The following STXBP5L variants were observed in gnomAD, a reference collection of about 807,000 sequenced individuals.
The protein encoded by STXBP5L is syntaxin binding protein 5L.
In STXBP5L, 65 loss-of-function variants were observed where a neutral mutation model predicts 144.5. The observed-to-expected ratio is 0.45, with a 90% CI of 0.37 to 0.55. The LOEUF is 0.55. Ranked by LOEUF, STXBP5L falls within the 20% of genes least tolerant of loss-of-function variation. The probability of loss-of-function intolerance (pLI) is 0.00; values close to 1 mark genes in which losing one functional copy is unlikely to be tolerated. For missense variants in STXBP5L, 1,298 were observed against 1,405.5 expected, an observed-to-expected ratio of 0.92 and a Z score of 1.22; for synonymous variants, 505 against 469.6, an observed-to-expected ratio of 1.08 and a Z score of -0.97.
At chr3:121,293,260 G>A (rs1453695497) in intron 19 of STXBP5L, among the ~76,000 whole-genome samples, 2 of 152,060 alleles carry the variant, frequency 1.3e-5, no homozygotes, top group African/African-American at 2.4e-5. Context: ...AGAATTCCAG[G>A]AAATGAAAAG....
intron 3 of STXBP5L, among the ~76,000 whole-genome samples, chr3:120,980,942 A>G (rs1393789514): frequency 6.6e-6 from 1 of 151,896 alleles, no homozygotes; most frequent in Non-Finnish European, 1.5e-5. Flanking sequence ...GAAATATTTT[A>G]TTTTATTTTC....
rs1205568266 is a variant in STXBP5L, at chr3:121,413,065, CATAAA to C, written c.2949-88_2949-84del. 3.0e-6 allele frequency: 3 copies of C among 1,014,214 alleles called. No homozygotes were observed. The African/African-American group carries it at 5.1e-5, about 17-fold the overall frequency. 62.8% of individuals were successfully genotyped at this position (1,014,214 alleles called of 1,614,324 possible). A position where few individuals can be genotyped will look rare whatever the true frequency, so the allele number is the denominator to read the frequency against. ...AAATAAAAAAATAAAAAGAAACAACCATAAAATAATAGAATAAAAATTACTGTTTT... is the reference window on the plus strand; with the variant it reads ...AAATAAAAAAATAAAAAGAAACAACCATAATAGAATAAAAATTACTGTTTT... On this transcript the variant is annotated intron_variant, in intron 23 of 26. Coordinates refer to ENST00000471454, the MANE Select transcript of STXBP5L (RefSeq NM_001308330.2).
At chr3:120,995,344 C>T (rs1174066405) in intron 3 of STXBP5L, among the ~76,000 whole-genome samples, 1 of 151,956 alleles carries the variant, frequency 6.6e-6, no homozygotes, top group Non-Finnish European at 1.5e-5. Context: ...TGTAGGGTTT[C>T]CCTATGTCAA....
chr3:121,148,705 T>C (rs2045815377), intron 7 of STXBP5L, among the ~76,000 whole-genome samples: 1 of 152,096 alleles, frequency 6.6e-6, no homozygotes, highest in South Asian at 2.1e-4. Context: ...ATAACCACTT[T>C]GGAAAACTGC....
At chr3:121,050,673 C>G (rs908388692) in intron 5 of STXBP5L, among the ~76,000 whole-genome samples, 1 of 152,138 alleles carries the variant, frequency 6.6e-6, no homozygotes, top group African/African-American at 2.4e-5. Context: ...GAAACTGCAT[C>G]AACTAACGAG....
chr3:120,937,085 A>G (rs1710304355), intron 2 of STXBP5L, among the ~76,000 whole-genome samples: 2 of 152,224 alleles, frequency 1.3e-5, no homozygotes, highest in East Asian at 3.9e-4. Context: ...GGAAGGCTGG[A>G]GATGGCTGGA....
At chr3:121,187,712 G>T (rs1187607282) in intron 9 of STXBP5L, among the ~76,000 whole-genome samples, 1 of 151,956 alleles carries the variant, frequency 6.6e-6, no homozygotes, top group Admixed American at 6.6e-5. Context: ...AAATGTAAAT[G>T]GGCTAAATGT....
At chr3:121,019,454 G>T (rs575438666) in intron 3 of STXBP5L, among the ~76,000 whole-genome samples, 1 of 152,176 alleles carries the variant, frequency 6.6e-6, no homozygotes, top group African/African-American at 2.4e-5. Context: ...ATGGCTGGAG[G>T]CCAACCAACA....
intron 20 of STXBP5L, among the ~76,000 whole-genome samples, chr3:121,346,405 T>C (rs1049670822): frequency 3.9e-5 from 6 of 152,114 alleles, no homozygotes; most frequent in Admixed American, 6.6e-5. Context: ...AGTGCCGCAA[T>C]AAACATACAT....
chr3:121,378,616 G>C (rs1410824703), intron 20 of STXBP5L, 100 bp from the exon 21 acceptor site: 9 of 1,281,104 alleles, frequency 7.0e-6, no homozygotes. Flanking sequence ...AGAAAATAAA[G>C]GAATTGTTGC....
intron 2 of STXBP5L, among the ~76,000 whole-genome samples, chr3:120,936,986 T>C (rs190873885): frequency 6.6e-6 from 1 of 152,272 alleles, no homozygotes; most frequent in Non-Finnish European, 1.5e-5. Flanking sequence ...GCTGTGACCT[T>C]CACAAGTGCT....
intron 18 of STXBP5L, among the ~76,000 whole-genome samples, chr3:121,259,803 G>T (rs975883854): frequency 6.7e-6 from 1 of 148,978 alleles, no homozygotes. Flanking sequence ...TTTATTAGTT[G>T]TTCCTGGTTT....
chr3:121,070,035 T>C (rs2041736099), intron 5 of STXBP5L, among the ~76,000 whole-genome samples: 1 of 152,250 alleles, frequency 6.6e-6, no homozygotes, highest in Admixed American at 6.5e-5. Flanking sequence ...TAAATTTATT[T>C]CTTGATTTCA....
intron 24 of STXBP5L, among the ~76,000 whole-genome samples, chr3:121,413,828 CACA>C (rs1482334640): frequency 6.6e-6 from 1 of 152,144 alleles, no homozygotes; most frequent in African/African-American, 2.4e-5. Context: ...TAAGAATGGT[CACA>C]ACATTTTTTA....
Position 121,270,695 on chromosome 3 carries a change from C to T in STXBP5L, c.1959-9110C>T, listed in dbSNP as rs926421887. Among the ~76,000 whole-genome samples, 95 of 152,100 alleles carry T rather than the reference C, an allele frequency of 6.2e-4. 1 individual carries two copies. Among genetic ancestry groups the T allele is most frequent in the Admixed American group, 5.9e-3 (90 of 15,270 alleles). On this transcript the variant is annotated intron_variant, in intron 18 of 26. Coordinates refer to ENST00000471454, the MANE Select transcript of STXBP5L (RefSeq NM_001308330.2). ...CTTGAACTCCTGACCTCATGTGATC[C>T]GCCCACCTAGGCCTCCCAAAGTGCT...
intron 19 of STXBP5L, among the ~76,000 whole-genome samples, chr3:121,292,421 AC>A (rs1320246891): frequency 6.6e-6 from 1 of 152,176 alleles, no homozygotes; most frequent in African/African-American, 2.4e-5. Context: ...TGAAAAGAGA[AC>A]CCTTTTACAC....
chr3:121,153,376 A>C (rs759810820), intron 8 of STXBP5L, among the ~76,000 whole-genome samples: 1 of 152,094 alleles, frequency 6.6e-6, no homozygotes, highest in Non-Finnish European at 1.5e-5. Context: ...TTCAATTTGA[A>C]AATGGTGGGA....
chr3:120,951,663 T>G (rs934335014), intron 2 of STXBP5L, among the ~76,000 whole-genome samples: 1 of 152,062 alleles, frequency 6.6e-6, no homozygotes, highest in African/African-American at 2.4e-5. Context: ...CAACAGGTGC[T>G]GGAGAGGATG....
chr3:121,007,932 A>C (rs1451785476), intron 3 of STXBP5L, among the ~76,000 whole-genome samples: 1 of 152,074 alleles, frequency 6.6e-6, no homozygotes, highest in Non-Finnish European at 1.5e-5. Context: ...GACATTAAAA[A>C]AAATTTATAA....
Sources: allele counts gnomAD v4.1 joint callset (sites outside exome capture counted in the v4.1 genomes callset), GRCh38; gene constraint gnomAD v4.1.1; transcripts MANE v1.5; gene names NCBI Gene and HGNC (gene_info 2026-07-23, HGNC 2026-07-21).